Variants in CANX observed in about 807,000 individuals in gnomAD.
The protein encoded by CANX is calnexin.
In CANX, 14 loss-of-function variants were observed where a neutral mutation model predicts 75.7. That is an observed-to-expected ratio of 0.19 (90% CI 0.12 to 0.29). The LOEUF is 0.29. Among genes scored for constraint, CANX ranks in the 10% least tolerant of loss-of-function variants. The probability of loss-of-function intolerance (pLI) is 1.00; values close to 1 mark genes in which losing one functional copy is unlikely to be tolerated. For missense variants in CANX, 567 were observed against 713.2 expected, an observed-to-expected ratio of 0.79 and a Z score of 2.34; for synonymous variants, 227 against 236.9, an observed-to-expected ratio of 0.96 and a Z score of 0.38.
chr5:179,694,009 T>C (rs1251249950), upstream of CANX, among the ~76,000 whole-genome samples: 1 of 151,892 alleles, frequency 6.6e-6, no homozygotes, highest in Non-Finnish European at 1.5e-5. Context: ...CCGGGCGTGG[T>C]GGCTTATGCC....
Position 179,706,319 on chromosome 5 carries a change from G to C in CANX, c.233G>C (p.Gly78Ala), listed in dbSNP as rs765797003. 5 of 1,576,328 alleles carry C rather than the reference G, an allele frequency of 3.2e-6. No individual in the cohort carries two copies. In the South Asian group the frequency reaches 3.3e-5, roughly 11 times the overall value. ...TATTTTGCTGATTCTTTTGACAGAG[G>C]AACTCTGTCAGGGTAAGTGTTTTCC... ...EVYFADSFDRGTLSGWILSKA... is the reference protein window; with the variant it reads ...EVYFADSFDRATLSGWILSKA... The change falls in exon 3 of 15, where the codon GGA becomes GCA. Residue 78 changes from glycine to alanine, a missense_variant. Around this residue, in one of 3 missense-constraint regions of CANX, gnomAD observed 351 missense variants for 433.8 expected, o/e 0.81. Transcript: ENST00000247461.
At chr5:179,707,635 G>A (rs1187189549) in intron 4 of CANX, among the ~76,000 whole-genome samples, 1 of 142,544 alleles carries the variant, frequency 7.0e-6, no homozygotes, top group Non-Finnish European at 1.5e-5. Context: ...CCACCTTTGT[G>A]TGTTGCCTAA....
chr5:179,709,837 A>G, intron 6 of CANX, 36 bp from the exon 7 acceptor site: 4 of 1,407,600 alleles, frequency 2.8e-6, no homozygotes, highest in Non-Finnish European at 3.9e-6. Context: ...CACTTTGAGT[A>G]CAGTGACTTC....
chr5:179,683,335 G>A (rs541193177), intron 1 of CANX, among the ~76,000 whole-genome samples: 34 of 151,110 alleles, frequency 2.3e-4, no homozygotes, highest in Middle Eastern at 3.5e-3. Flanking sequence ...GGGTTTCACC[G>A]TGTTGGCCAG....
rs555286951 is a variant in CANX, at chr5:179,682,121, G to A, written c.-4+3344G>A. Among the ~76,000 whole-genome samples the A allele has an allele frequency of 4.6e-4, 70 of 151,296 alleles. 1 individual carries two copies. Among genetic ancestry groups the A allele is most frequent in the Middle Eastern group, 3.4e-3 (1 of 294 alleles). ...GAAAAAATTAGCCGGGTGTGGTGGC[G>A]GGTGCCTGTAATCTCAGCTACTCAG... On this transcript the variant is annotated intron_variant, in intron 1 of 14. Transcript: ENST00000681674.
At chr5:179,688,502 T>C (rs1054371217) in intron 1 of CANX, among the ~76,000 whole-genome samples, 3 of 150,934 alleles carry the variant, frequency 2.0e-5, no homozygotes, top group African/African-American at 7.3e-5. Flanking sequence ...TAGCTGGGAA[T>C]ATAGGTGCCC....
At chr5:179,679,321 C>A in intron 1 of CANX, 2 of 1,380,960 alleles carry the variant, frequency 1.4e-6, no homozygotes, top group Non-Finnish European at 1.9e-6. Flanking sequence ...CCTCTCAAAC[C>A]GCGAGGCCGG....
chr5:179,692,608 G>A (rs1463320766), intron 1 of CANX, among the ~76,000 whole-genome samples: 2 of 152,170 alleles, frequency 1.3e-5, no homozygotes, highest in Non-Finnish European at 1.5e-5. Context: ...GCTCACTGCA[G>A]CCTCAACCTC....
chr5:179,728,365 GAA>G (rs201114603), intron 14 of CANX, among the ~76,000 whole-genome samples: 1 of 152,128 alleles, frequency 6.6e-6, no homozygotes, highest in Non-Finnish European at 1.5e-5. Context: ...GTTAGATTGA[GAA>G]AAGTGTATGT....
Position 179,720,448 on chromosome 5 carries a change from A to C in CANX, c.1070A>C (p.Asn357Thr). ...DGEWEAPQIA[N>T]PRCESAPGCG... ...GAATGGGAGGCTCCTCAGATTGCCA[A>C]CCCTAGATGTGAGTCAGCTCCTGGA... Residue 357 changes from asparagine (N) to threonine (T), a missense_variant, in exon 10 of 15, where the codon AAC (asparagine) becomes ACC (threonine). This residue lies in a region of CANX where 351 missense variants were observed against 433.8 expected (regional missense o/e 0.81). Transcript: ENST00000247461. 6.2e-7 allele frequency: 1 copy of C among 1,613,960 alleles called. No homozygotes were observed.
chr5:179,692,298 C>T (rs771418026), intron 1 of CANX, among the ~76,000 whole-genome samples: 4 of 151,968 alleles, frequency 2.6e-5, no homozygotes, highest in African/African-American at 4.8e-5. Context: ...TGGTCTTGAA[C>T]TCCTGACCTC....
At chr5:179,693,357 A>C (rs77892642) in intron 1 of CANX, among the ~76,000 whole-genome samples, 715 of 68,564 alleles carry the variant, frequency 0.01, 94 homozygotes, top group African/African-American at 0.024. Flanking sequence ...CTGGGCAAGA[A>C]AGTGAGACTC....
upstream of CANX, chr5:179,694,589 C>G (rs1387561881): frequency 1.0e-6 from 1 of 966,794 alleles, no homozygotes; most frequent in Non-Finnish European, 1.7e-6. Flanking sequence ...ACTTAAATGA[C>G]AGTGAAAAGC....
chr5:179,698,398 G>C (rs991030879), upstream of CANX: 1 of 1,230,326 alleles, frequency 8.1e-7, no homozygotes, highest in African/African-American at 1.6e-5. Flanking sequence ...CTGCGGCGCC[G>C]GCTCACACAG....
At chr5:179,679,705 C>G (rs2127760774) in intron 1 of CANX, among the ~76,000 whole-genome samples, 1 of 152,202 alleles carries the variant, frequency 6.6e-6, no homozygotes, top group East Asian at 1.9e-4. Context: ...GTTGCCCGAG[C>G]TGGAGTGCAA....
At chr5:179,714,460 G>A (rs902816062) in intron 7 of CANX, among the ~76,000 whole-genome samples, 3 of 152,034 alleles carry the variant, frequency 2.0e-5, no homozygotes, top group Admixed American at 6.5e-5. Flanking sequence ...TTGTCAATAT[G>A]TGTATATACA....
intron 1 of CANX, among the ~76,000 whole-genome samples, chr5:179,703,202 C>T (rs370504533): frequency 6.5e-4 from 98 of 151,528 alleles, no homozygotes; most frequent in Non-Finnish European, 1.1e-3. Context: ...CGTGAGCCAC[C>T]GCGCCTGGTG....
intron 13 of CANX, among the ~76,000 whole-genome samples, chr5:179,725,464 G>A (rs1312145676): frequency 1.3e-5 from 2 of 151,648 alleles, no homozygotes; most frequent in African/African-American, 4.8e-5. Flanking sequence ...GGCAGATCAC[G>A]AGGTCAGGAG....
At chr5:179,699,690 G>A (rs1776604021) in intron 1 of CANX, 1 of 152,240 alleles carries the variant, frequency 6.6e-6, no homozygotes, top group Non-Finnish European at 1.5e-5. Context: ...TAATCCAGTT[G>A]GAGAGGGACA....
Sources: gnomAD v4.1 joint callset for allele counts (sites outside exome capture counted in the v4.1 genomes callset) on GRCh38, gnomAD v4.1.1 for gene constraint, gnomAD v4.1.1 regional missense constraint, MANE v1.5 for transcripts, NCBI Gene and HGNC (gene_info 2026-07-23, HGNC 2026-07-21) for gene names.